CHORDC1: variants seen among roughly 807,000 people sequenced by gnomAD.
CHORDC1 encodes the protein cysteine and histidine rich domain containing 1.
CHORDC1 carries 25 observed loss-of-function variants against 48.3 expected under a neutral mutation model. That is an observed-to-expected ratio of 0.52 (90% CI 0.38 to 0.72). The LOEUF (loss-of-function observed/expected upper bound fraction) is 0.72. CHORDC1 is among the 30% of genes least tolerant of loss of function. CHORDC1 has a pLI of 0.00. For missense variants in CHORDC1, 317 were observed against 388.7 expected, an observed-to-expected ratio of 0.82 and a Z score of 1.55; for synonymous variants, 128 against 126.4, an observed-to-expected ratio of 1.01 and a Z score of -0.09.
At chr11:90,216,294 G>A (rs1858010386) in intron 2 of CHORDC1, among the ~76,000 whole-genome samples, 1 of 152,024 alleles carries the variant, frequency 6.6e-6, no homozygotes, top group Admixed American at 6.6e-5. Flanking sequence ...ATGCCAATCT[G>A]GATTCTATGC....
intron 6 of CHORDC1, chr11:90,207,494 TA>T (rs1017775573): frequency 2.0e-4 from 31 of 152,130 alleles, no homozygotes; most frequent in African/African-American, 7.5e-4. Flanking sequence ...TGGATTTTGT[TA>T]AAAAGCAATT....
chr11:90,218,617 C>A (rs1274346755), intron 1 of CHORDC1, among the ~76,000 whole-genome samples: 1 of 152,204 alleles, frequency 6.6e-6, no homozygotes, highest in African/African-American at 2.4e-5. Context: ...TAATAACAGG[C>A]TCAACATTTT....
intron 1 of CHORDC1, among the ~76,000 whole-genome samples, chr11:90,220,022 A>C (rs1565173785): frequency 6.6e-6 from 1 of 152,234 alleles, no homozygotes; most frequent in Non-Finnish European, 1.5e-5. Context: ...AAACTGTCTT[A>C]AAACATTATG....
chr11:90,217,745 C>T (rs1206680161), intron 2 of CHORDC1: 1 of 153,776 alleles, frequency 6.5e-6, no homozygotes, highest in African/African-American at 2.4e-5. Flanking sequence ...ACTAAAAATA[C>T]AAAAATTAGC....
intron 6 of CHORDC1, chr11:90,207,898 T>C (rs1857747306): frequency 6.6e-6 from 1 of 151,910 alleles, no homozygotes; most frequent in East Asian, 1.9e-4. Flanking sequence ...TGGAAGTATC[T>C]GTTAATGCTA....
At chr11:90,218,210 A>G in intron 1 of CHORDC1, 26 bp from the exon 2 acceptor site, 1 of 1,534,398 alleles carries the variant, frequency 6.5e-7, no homozygotes, top group Non-Finnish European at 8.8e-7. Flanking sequence ...AAAAAAAAAA[A>G]AGTACCACTC....
At chr11:90,216,533 A>G (rs1234312561) in intron 2 of CHORDC1, 3 of 444,300 alleles carry the variant, frequency 6.8e-6, no homozygotes, top group African/African-American at 6.1e-5. Context: ...GTGAAATCCA[A>G]TAATCTTGGA....
Position 90,218,130 on chromosome 11 carries a change from C to T in CHORDC1, c.114+5G>A. ...ATATGAAAAAAATGAAAATATAGTTCCTACCTTTAATGCATCGTGAAAGAC... is the reference window on the plus strand; with the variant it reads ...ATATGAAAAAAATGAAAATATAGTTTCTACCTTTAATGCATCGTGAAAGAC... On this transcript the variant is annotated splice_donor_5th_base_variant and intron_variant, in intron 2 of 10. Coordinates refer to ENST00000320585, the MANE Select transcript of CHORDC1 (RefSeq NM_012124.3). 1 of 1,565,124 alleles carries T rather than the reference C, an allele frequency of 6.4e-7. No homozygotes were observed. Among genetic ancestry groups the T allele is most frequent in the Non-Finnish European group, 8.6e-7 (1 of 1,158,858 alleles).
At chr11:90,210,796 T>A (rs1781039576) in intron 5 of CHORDC1, 1 of 526,316 alleles carries the variant, frequency 1.9e-6, no homozygotes, top group African/African-American at 1.9e-5. Context: ...CAGGACACAA[T>A]TTTTTCCATA....
At chr11:90,214,329 T>C (rs776054542) in intron 3 of CHORDC1, among the ~76,000 whole-genome samples, 154 bp from the exon 4 acceptor site, 29 of 152,182 alleles carry the variant, frequency 1.9e-4, no homozygotes, top group Non-Finnish European at 3.7e-4. Context: ...AACTCCAAAT[T>C]TGCCATATTT....
rs781659055 is a variant in CHORDC1, at chr11:90,222,897, A to C, written c.58T>G (p.Ser20Ala). The C allele has an allele frequency of 1.0e-4, 163 of 1,613,794 alleles. 1 individual carries two copies. The South Asian group carries it at 1.4e-3, about 14-fold the overall frequency. The change falls in exon 1 of 11, where the codon TCC (serine) becomes GCC (alanine). Residue 20 changes from serine to alanine, a missense_variant. Coordinates refer to ENST00000320585, the MANE Select transcript of CHORDC1 (RefSeq NM_012124.3). ...GGCGGCGCGTTCCTCTTACCGTCGG[A>C]ATTGGTCTCAGGATCGAAGCGCTGA... Reference protein sequence around the residue: ...CGQRFDPETNSDDACTYHPGV... With the variant: ...CGQRFDPETNADDACTYHPGV...
At chr11:90,205,009 A>C (rs377583702) in intron 8 of CHORDC1, among the ~76,000 whole-genome samples, 22 of 152,232 alleles carry the variant, frequency 1.4e-4, no homozygotes, top group African/African-American at 4.1e-4. Flanking sequence ...CCACTGAAAC[A>C]AGACTGCAAT....
intron 4 of CHORDC1, chr11:90,212,488 C>T (rs976323417): frequency 2.0e-5 from 3 of 151,986 alleles, no homozygotes; most frequent in Admixed American, 2.0e-4. Flanking sequence ...TAGTAGCATA[C>T]ACCTATAGTT....
chr11:90,207,983 A>G (rs1857749199), intron 6 of CHORDC1: 1 of 152,068 alleles, frequency 6.6e-6, no homozygotes, highest in African/African-American at 2.4e-5. Context: ...GAGAGCCAAC[A>G]TGACAGTTAA....
intron 6 of CHORDC1, among the ~76,000 whole-genome samples, chr11:90,210,089 T>G (rs1465796801): frequency 6.6e-6 from 1 of 152,216 alleles, no homozygotes; most frequent in African/African-American, 2.4e-5. Flanking sequence ...ATCCATCCAG[T>G]GCAACATGAA....
intron 2 of CHORDC1, 41 bp from the exon 3 acceptor site, chr11:90,215,271 A>T: frequency 2.9e-6 from 4 of 1,374,544 alleles, no homozygotes; most frequent in Non-Finnish European, 4.0e-6. Context: ...CTCTATTTGC[A>T]TGAGAAACAC....
At chr11:90,219,186 C>A (rs963937428) in intron 1 of CHORDC1, among the ~76,000 whole-genome samples, 8 of 152,052 alleles carry the variant, frequency 5.3e-5, no homozygotes, top group Non-Finnish European at 1.2e-4. Flanking sequence ...ATCGCTTGAA[C>A]TTGGGAAGCA....
rs1395484847 is a variant in CHORDC1, at chr11:90,202,818, A to G, written c.847T>C (p.Trp283Arg). The G allele has an allele frequency of 1.3e-6, 2 of 1,599,092 alleles. No individual in the cohort carries two copies. The highest frequency in any genetic ancestry group is 1.1e-5 in the South Asian group (1 of 87,998). Residue 283 changes from tryptophan to arginine, a missense_variant, in exon 10 of 11, where the codon TGG becomes CGG. Physicochemically the swap from Trp to Arg is moderately radical, Grantham distance 101. Transcript: ENST00000320585. ...EKEFDQNVKL[W>R]GVIDVKRSYV... is the part of the protein sequence containing the mutation. ...TATAAATTTGTAATACTTACACCCC[A>G]TAATTTCACATTTTGATCAAATTCC...
chr11:90,222,718 AAC>A (rs1205980337), intron 1 of CHORDC1, 171 bp downstream of exon 1: 2 of 720,486 alleles, frequency 2.8e-6, no homozygotes, highest in East Asian at 5.4e-5. Flanking sequence ...AACGCGGCGC[AAC>A]AGAGGGGCGG....
Sources: gnomAD v4.1 joint callset for allele counts (sites outside exome capture counted in the v4.1 genomes callset) on GRCh38, gnomAD v4.1.1 for gene constraint, MANE v1.5 for transcripts, NCBI Gene and HGNC (gene_info 2026-07-23, HGNC 2026-07-21) for gene names.